MARK3: variants seen among roughly 807,000 people sequenced by gnomAD.
MARK3 encodes MAP/microtubule affinity-regulating kinase 3.
In MARK3, 46 loss-of-function variants were observed where a neutral mutation model predicts 90.1. That is an observed-to-expected ratio of 0.51 (90% CI 0.40 to 0.65). The LOEUF is 0.65. Among genes scored for constraint, MARK3 ranks in the 30% least tolerant of loss-of-function variants. The pLI, the probability that MARK3 is intolerant of heterozygous loss-of-function variation, is 0.00. For missense variants in MARK3, 818 were observed against 947.2 expected (o/e 0.86, Z 1.79); for synonymous variants, 321 against 332.6 (o/e 0.97, Z 0.38).
At chr14:103,425,380 C>T (rs1297681825) in intron 2 of MARK3, among the ~76,000 whole-genome samples, 1 of 152,014 alleles carries the variant, frequency 6.6e-6, no homozygotes, top group African/African-American at 2.4e-5. Context: ...CCGCCTCAGC[C>T]TTTCAAGTAG....
intron 2 of MARK3, among the ~76,000 whole-genome samples, chr14:103,421,465 AT>A (rs893891287): frequency 2.6e-4 from 39 of 152,216 alleles, no homozygotes; most frequent in African/African-American, 9.1e-4. Flanking sequence ...TGATTTTTTT[AT>A]TTTGTTCATG....
At chr14:103,405,631 G>A (rs1302004088) in intron 2 of MARK3, among the ~76,000 whole-genome samples, 1 of 151,972 alleles carries the variant, frequency 6.6e-6, no homozygotes, top group African/African-American at 2.4e-5. Flanking sequence ...GTGAGCCATA[G>A]CGCCTGTAAT....
Position 103,479,326 on chromosome 14 carries a change from C to T in MARK3, c.1483-1061C>T, listed in dbSNP as rs113595613. ...GGGATTATAGGTGTTAGCCTCTGCA[C>T]CTGGCTGTGTTTTCATTTTTCCTGG... On this transcript the variant is annotated intron_variant, in intron 13 of 17. Transcript: ENST00000429436. Among the ~76,000 whole-genome samples the T allele has an allele frequency of 6.3e-3, 966 of 152,276 alleles. 14 individuals are homozygous for T. Among genetic ancestry groups the T allele is most frequent in the African/African-American group, 0.022 (923 of 41,546 alleles).
At chr14:103,389,528 C>CAA (rs67737305) in intron 1 of MARK3, among the ~76,000 whole-genome samples, 65 of 49,832 alleles carry the variant, frequency 1.3e-3, no homozygotes, top group Non-Finnish European at 1.5e-3. Flanking sequence ...ACTCTGTCTC[C>CAA]AAAAAAAAAA....
At position 103,483,555 on chromosome 14, in the gene MARK3, T is replaced by G. The variant is rs1263322925; in HGVS notation, c.1586+3065T>G. Among the ~76,000 whole-genome samples the G allele has an allele frequency of 3.3e-5, 5 of 152,264 alleles. No homozygotes were observed. In the East Asian group the frequency reaches 7.7e-4, roughly 23 times the overall value. ...TTTTTTCTTTTGAAAATTAGTTTTA[T>G]TAATTGGTTCTTACTAGGCCAATCT... On this transcript the variant is annotated intron_variant, in intron 14 of 17. Transcript: ENST00000429436.
intron 14 of MARK3, among the ~76,000 whole-genome samples, chr14:103,481,378 C>T (rs915562309): frequency 3.3e-5 from 5 of 151,998 alleles, no homozygotes; most frequent in South Asian, 2.1e-4. Context: ...TCTGCAGTTA[C>T]GGTGTGAGGT....
intron 15 of MARK3, among the ~76,000 whole-genome samples, chr14:103,494,234 C>T (rs1440845902): frequency 1.1e-5 from 1 of 89,104 alleles, no homozygotes; most frequent in Non-Finnish European, 2.1e-5. Flanking sequence ...GAGACTCCAT[C>T]TCAAAAAAAA....
rs1174107703 is a variant in MARK3, at chr14:103,417,817, A to C, written c.244-10570A>C. 3.9e-5 allele frequency among the ~76,000 whole-genome samples: 6 copies of C among 152,124 alleles called. No homozygotes were observed. The East Asian group carries it at 1.2e-3, about 29-fold the overall frequency. On this transcript the variant is annotated intron_variant, in intron 2 of 17. Transcript: ENST00000429436. ...CACGGTGACTCATGCCTGTAATCTC[A>C]GCACTTGGGGAGGCTAAGGCAGAAG...
At chr14:103,450,718 T>A (rs2093116500) in intron 4 of MARK3, among the ~76,000 whole-genome samples, 1 of 152,098 alleles carries the variant, frequency 6.6e-6, no homozygotes, top group South Asian at 2.1e-4. Flanking sequence ...TTGTTTGGCC[T>A]GATACTCTAT....
chr14:103,480,308 T>G, intron 13 of MARK3, 79 bp from the exon 14 acceptor site: 1 of 837,250 alleles, frequency 1.2e-6, no homozygotes. Flanking sequence ...GACATTCCTA[T>G]TTATGTAGAT....
intron 13 of MARK3, among the ~76,000 whole-genome samples, chr14:103,478,288 C>G (rs1425025869): frequency 7.4e-6 from 1 of 135,356 alleles, no homozygotes; most frequent in Non-Finnish European, 1.6e-5. Context: ...AAGCGAGGCT[C>G]CATCTCAAAA....
rs1160383537 is a variant in MARK3, at chr14:103,480,436, G to T, written c.1532G>T (p.Ser511Ile). Reference protein sequence around the residue: ...GMTRRNTYVCSERTTADRHSV... With the variant: ...GMTRRNTYVCIERTTADRHSV... ...ACACGACGAAATACTTATGTTTGCAGTGAGAGAACTACAGCTGATAGACAC... is the reference window on the plus strand; with the variant it reads ...ACACGACGAAATACTTATGTTTGCATTGAGAGAACTACAGCTGATAGACAC... Residue 511 changes from serine to isoleucine, a missense_variant, in exon 14 of 18, where the codon AGT becomes ATT. Ser to Ile is a moderately radical substitution (Grantham distance 142, BLOSUM62 -2). Transcript: ENST00000429436. The T allele has an allele frequency of 6.2e-7, 1 of 1,613,772 alleles. No individual in the cohort carries two copies.
At chr14:103,395,807 G>A (rs1961600) in intron 1 of MARK3, among the ~76,000 whole-genome samples, 39,292 of 152,054 alleles carry the variant, frequency 0.26, 6,267 homozygotes, top group Middle Eastern at 0.44. Context: ...CTGACACTCC[G>A]ATTTGGAGAG....
At chr14:103,451,815 T>A in intron 4 of MARK3, 103 bp from the exon 5 acceptor site, 1 of 727,566 alleles carries the variant, frequency 1.4e-6, no homozygotes, top group Non-Finnish European at 2.2e-6. Context: ...TTAAAATCTT[T>A]AACAGGGAAA....
chr14:103,448,674 C>T (rs370868617), intron 3 of MARK3, among the ~76,000 whole-genome samples: 12 of 152,058 alleles, frequency 7.9e-5, no homozygotes, highest in African/African-American at 2.7e-4. Flanking sequence ...TGTTACCATC[C>T]CCCTTTGAGA....
chr14:103,493,975 T>C (rs1340853755), intron 15 of MARK3, among the ~76,000 whole-genome samples: 2 of 151,964 alleles, frequency 1.3e-5, no homozygotes, highest in East Asian at 1.9e-4. Context: ...GGCTCATGCC[T>C]GTAATCTCAG....
chr14:103,475,315 T>C, intron 13 of MARK3, 105 bp downstream of exon 13: 1 of 883,238 alleles, frequency 1.1e-6, no homozygotes, highest in Non-Finnish European at 1.8e-6. Flanking sequence ...TGGAATGCCC[T>C]CTCTACTAGG....
chr14:103,464,657 A>G (rs1199516827), intron 7 of MARK3, among the ~76,000 whole-genome samples: 1 of 152,096 alleles, frequency 6.6e-6, no homozygotes, highest in Non-Finnish European at 1.5e-5. Flanking sequence ...CAGCCGTTTT[A>G]TAGCTATTTA....
In MARK3 at chr14:103,385,682, G is replaced by A. The variant is rs566870061; in HGVS notation, c.-348G>A. ...AGCTGAAATTCGCGGTGCGACGGGA[G>A]GGAGTGGAGAAGGAGGTGAGGGGGC... On this transcript the variant is annotated 5_prime_UTR_variant, in exon 1 of 18. Transcript: ENST00000429436. 119 of 222,372 alleles carry A rather than the reference G, an allele frequency of 5.4e-4. No homozygotes were observed. The highest frequency in any genetic ancestry group is 2.3e-3 in the African/African-American group (102 of 43,786). The allele number at this position is 222,372 out of a possible 1,614,324, so 13.8% of individuals were successfully genotyped here.
Sources: allele counts gnomAD v4.1 joint callset (sites outside exome capture counted in the v4.1 genomes callset), GRCh38; gene constraint gnomAD v4.1.1; transcripts MANE v1.5; gene names NCBI Gene and HGNC (gene_info 2026-07-23, HGNC 2026-07-21).